PPP4R4: variants seen among roughly 807,000 people sequenced by gnomAD.
The protein encoded by PPP4R4 is protein phosphatase 4 regulatory subunit 4.
Under a neutral mutation model 121.8 loss-of-function variants are expected in PPP4R4, and 70 were observed. The ratio of observed to expected loss-of-function variants is 0.57; its 90% CI spans 0.47 to 0.70. The LOEUF is 0.70. Among genes scored for constraint, PPP4R4 ranks in the 30% least tolerant of loss-of-function variants. The probability of loss-of-function intolerance (pLI) is 0.00; values close to 1 mark genes in which losing one functional copy is unlikely to be tolerated. For synonymous variants in PPP4R4, 348 were observed against 355.7 expected, an observed-to-expected ratio of 0.98 and a Z score of 0.24; for missense variants, 875 against 1,033.6, an observed-to-expected ratio of 0.85 and a Z score of 2.10.
intron 2 of PPP4R4, among the ~76,000 whole-genome samples, chr14:94,202,456 C>T (rs1177950614): frequency 6.6e-6 from 1 of 152,064 alleles, no homozygotes; most frequent in Non-Finnish European, 1.5e-5. Flanking sequence ...GGTCAACATC[C>T]CTGCCTTGTT....
At chr14:94,203,882 G>T (rs571859494) in intron 2 of PPP4R4, among the ~76,000 whole-genome samples, 1 of 152,136 alleles carries the variant, frequency 6.6e-6, no homozygotes, top group East Asian at 1.9e-4. Context: ...TTTTGAATTG[G>T]ATTGTGTATT....
chr14:94,257,464 C>T (rs1893535189), intron 17 of PPP4R4, among the ~76,000 whole-genome samples: 1 of 151,816 alleles, frequency 6.6e-6, no homozygotes, highest in South Asian at 2.1e-4. Flanking sequence ...AGAGAGAATT[C>T]TTATTTTTTC....
At chr14:94,174,985 C>A (rs1353548260) in intron 1 of PPP4R4, among the ~76,000 whole-genome samples, 3 of 125,092 alleles carry the variant, frequency 2.4e-5, no homozygotes, top group Middle Eastern at 9.1e-3. Context: ...CCCCCCCCCC[C>A]AAAGGAGCTG....
intron 19 of PPP4R4, among the ~76,000 whole-genome samples, chr14:94,260,210 G>A (rs1218692026): frequency 2.0e-5 from 3 of 152,194 alleles, no homozygotes; most frequent in Admixed American, 6.5e-5. Flanking sequence ...CGGATCACGA[G>A]GTCAGGAGAT....
chr14:94,266,335 T>G (rs909404896), intron 22 of PPP4R4, among the ~76,000 whole-genome samples: 3 of 152,132 alleles, frequency 2.0e-5, no homozygotes, highest in Admixed American at 6.5e-5. Context: ...AATAGATGAA[T>G]GTCTGGTTTC....
chr14:94,228,098 T>C (rs1379469183), intron 3 of PPP4R4, among the ~76,000 whole-genome samples: 3 of 152,190 alleles, frequency 2.0e-5, no homozygotes, highest in African/African-American at 7.2e-5. Context: ...TTTTTGTGTA[T>C]GATACAAAAG....
At chr14:94,244,832 C>T (rs1029238933) in intron 12 of PPP4R4, 120 bp downstream of exon 12, 1 of 988,214 alleles carries the variant, frequency 1.0e-6, no homozygotes, top group Non-Finnish European at 1.4e-6. Flanking sequence ...GCCCCAGAAG[C>T]TTCAAATTGT....
intron 5 of PPP4R4, among the ~76,000 whole-genome samples, chr14:94,231,737 T>C (rs1407867566): frequency 6.6e-6 from 1 of 152,196 alleles, no homozygotes. Context: ...AGGACATTAA[T>C]GAGCATTTCT....
In PPP4R4 at chr14:94,259,173, A is replaced by G. The variant is rs531077076; in HGVS notation, c.2053-122A>G. On this transcript the variant is annotated intron_variant, in intron 18 of 24. Transcript: ENST00000304338. ...ACAACATGTGGGAATTAGGGGAGCT[A>G]CAAGATGAAATTTGGATGGGGACAC... is the stretch of plus-strand genomic sequence containing the variant. 153 of 1,460,660 alleles carry G rather than the reference A, an allele frequency of 1.0e-4. 1 individual carries two copies. In the East Asian group the frequency reaches 3.5e-3, roughly 34 times the overall value. The allele number at this position is 1,460,660 out of a possible 1,614,324, so 90.5% of individuals were successfully genotyped here. A position where few individuals can be genotyped will look rare whatever the true frequency, so the allele number is the denominator to read the frequency against.
intron 2 of PPP4R4, among the ~76,000 whole-genome samples, chr14:94,194,066 G>T (rs949840303): frequency 1.3e-5 from 2 of 152,162 alleles, no homozygotes; most frequent in Non-Finnish European, 2.9e-5. Flanking sequence ...TCAGTGGATT[G>T]ACTTGTTTTT....
intron 23 of PPP4R4, among the ~76,000 whole-genome samples, chr14:94,267,741 T>C (rs1288384788): frequency 1.3e-5 from 2 of 152,222 alleles, no homozygotes; most frequent in Non-Finnish European, 2.9e-5. Flanking sequence ...ATTTTACTAT[T>C]GATCTATGGT....
chr14:94,203,064 C>A (rs932783926), intron 2 of PPP4R4, among the ~76,000 whole-genome samples: 3 of 152,072 alleles, frequency 2.0e-5, no homozygotes, highest in African/African-American at 7.2e-5. Flanking sequence ...TACCCATGTT[C>A]TCTTTATCCA....
intron 15 of PPP4R4, among the ~76,000 whole-genome samples, chr14:94,251,221 A>G (rs1893163059): frequency 6.6e-6 from 1 of 152,072 alleles, no homozygotes; most frequent in African/African-American, 2.4e-5. Context: ...TGCTGTTTAT[A>G]TATGACTGTA....
chr14:94,227,215 A>G, intron 3 of PPP4R4: 1 of 1,233,430 alleles, frequency 8.1e-7, no homozygotes, highest in Non-Finnish European at 1.2e-6. Flanking sequence ...ATAGTAATGT[A>G]AGAGGAATGG....
At chr14:94,203,199 C>T (rs1344160249) in intron 2 of PPP4R4, among the ~76,000 whole-genome samples, 4 of 152,276 alleles carry the variant, frequency 2.6e-5, no homozygotes, top group South Asian at 2.1e-4. Flanking sequence ...CCCTCCTGCT[C>T]CTGTATCTCT....
rs1423570917 is a variant in PPP4R4 at position 94,174,564 on chromosome 14, G to A, written c.99G>A (p.Pro33=). ...DLQELTIIER[P]VRRSLKTPEE... ...AGGAGCTCACCATCATCGAGAGGCC[G>A]GTCCGCCGGAGCCTCAAGGTGCGCC... The change falls in exon 1 of 25, where the codon CCG becomes CCA. Residue 33 remains proline (P), a synonymous_variant. Transcript: ENST00000304338. 1.1e-5 allele frequency: 17 copies of A among 1,611,700 alleles called. No individual in the cohort carries two copies. The highest frequency in any genetic ancestry group is 1.4e-5 in the Non-Finnish European group (17 of 1,179,068).
intron 2 of PPP4R4, among the ~76,000 whole-genome samples, chr14:94,207,784 G>A (rs1328596925): frequency 2.0e-5 from 3 of 151,430 alleles, no homozygotes; most frequent in Admixed American, 2.0e-4. Context: ...ACAGTTTTTT[G>A]CTGTTTGTGG....
In PPP4R4 at chr14:94,206,791, A is replaced by G. The variant is rs530440804; in HGVS notation, c.192-1673A>G. On this transcript the variant is annotated intron_variant, in intron 2 of 24. Transcript: ENST00000304338. ...TTCTCTTTCAGTTCTTTAGCAGTGT[A>G]GTAAATTTATTTCCTCTGGTTGTTG... 2.6e-5 allele frequency among the ~76,000 whole-genome samples: 4 copies of G among 152,136 alleles called. No homozygotes were observed. In the East Asian group the frequency reaches 5.8e-4, roughly 22 times the overall value.
intron 3 of PPP4R4, among the ~76,000 whole-genome samples, chr14:94,229,952 A>G (rs1172126343): frequency 2.0e-5 from 3 of 152,200 alleles, no homozygotes; most frequent in African/African-American, 4.8e-5. Context: ...ATACTATAAT[A>G]TAGGCTTTAA....
Sources: allele counts gnomAD v4.1 joint callset (sites outside exome capture counted in the v4.1 genomes callset), GRCh38; gene constraint gnomAD v4.1.1; transcripts MANE v1.5; gene names NCBI Gene and HGNC (gene_info 2026-07-23, HGNC 2026-07-21).